ACP3: variants seen among roughly 807,000 people sequenced by gnomAD.
ACP3 encodes acid phosphatase 3, also known as prostatic acid phosphatase.
A neutral mutation model predicts 45.6 loss-of-function variants in ACP3; 38 were observed. That is an observed-to-expected ratio of 0.83 (90% CI 0.64 to 1.09). ACP3 has a LOEUF of 1.09. Ranked by LOEUF, ACP3 falls within the 50% of genes least tolerant of loss-of-function variation. The pLI is 0.00. For missense variants in ACP3, 466 were observed against 463.2 expected, an observed-to-expected ratio of 1.01 and a Z score of -0.05; for synonymous variants, 162 against 164.7, an observed-to-expected ratio of 0.98 and a Z score of 0.13.
intron 7 of ACP3, among the ~76,000 whole-genome samples, chr3:132,345,931 T>TA (rs1937604448): frequency 6.6e-6 from 1 of 152,098 alleles, no homozygotes; most frequent in Non-Finnish European, 1.5e-5. Context: ...AAACTAGGGA[T>TA]AAAGAAGAAG....
intron 5 of ACP3, among the ~76,000 whole-genome samples, chr3:132,341,745 T>C (rs1383476419): frequency 6.6e-6 from 1 of 152,238 alleles, no homozygotes; most frequent in Non-Finnish European, 1.5e-5. Context: ...GGAGCTTTTA[T>C]GTTTGAGAAG....
At chr3:132,367,207 T>G (rs1370164887) in intron 10 of ACP3, among the ~76,000 whole-genome samples, 1 of 152,148 alleles carries the variant, frequency 6.6e-6, no homozygotes, top group African/African-American at 2.4e-5. Flanking sequence ...AAGGTACATA[T>G]TAGAAATAGT....
In ACP3 at chr3:132,342,631, C is replaced by G; in HGVS notation, c.635C>G (p.Pro212Arg). The change falls in exon 6 of 10, where the codon CCT becomes CGT. Residue 212 changes from proline to arginine, a missense_variant. Physicochemically the swap from Pro to Arg is moderately radical, Grantham distance 103 (BLOSUM62 -2). Transcript: ENST00000336375. ...GGAATTTGGAGTAAAGTCTACGACC[C>G]TTTATATTGTGAGGTAAAAGAAAAA... ...LFGIWSKVYD[P>R]LYCESVHNFT... 1 of 1,594,848 alleles carries G rather than the reference C, an allele frequency of 6.3e-7. No homozygotes were observed. The highest frequency in any genetic ancestry group is 1.2e-5 in the South Asian group (1 of 86,946).
chr3:132,350,513 T>A (rs1937703583), intron 8 of ACP3, among the ~76,000 whole-genome samples: 1 of 152,234 alleles, frequency 6.6e-6, no homozygotes, highest in Non-Finnish European at 1.5e-5. Context: ...GCTACTTACA[T>A]TTAAATTAAT....
chr3:132,365,077 G>A (rs562987129), intron 10 of ACP3, among the ~76,000 whole-genome samples: 1 of 152,336 alleles, frequency 6.6e-6, no homozygotes, highest in East Asian at 1.9e-4. Flanking sequence ...TGGACTAAGA[G>A]TTGGGAACTT....
At chr3:132,363,941 A>T (rs1938088578) in intron 10 of ACP3, among the ~76,000 whole-genome samples, 1 of 152,130 alleles carries the variant, frequency 6.6e-6, no homozygotes, top group African/African-American at 2.4e-5. Context: ...CATCTCAAAA[A>T]ATAAATAAAT....
rs996871169 is a variant in ACP3, at chr3:132,342,709, A to G, written c.648+65A>G. 8 of 964,322 alleles carry G rather than the reference A, an allele frequency of 8.3e-6. No individual in the cohort carries two copies. The African/African-American group carries it at 1.3e-4, about 16-fold the overall frequency. The allele number at this position is 964,322 out of a possible 1,614,324, so 59.7% of individuals were successfully genotyped here. On this transcript the variant is annotated intron_variant, in intron 6 of 9. Transcript: ENST00000336375. ...TTTTATGATTTATGCTTATTTTGAA[A>G]TAGATGAATATCTTTTCTTTCACTT...
chr3:132,367,613 G>A, intron 10 of ACP3: 2 of 986,822 alleles, frequency 2.0e-6, no homozygotes, highest in Non-Finnish European at 3.2e-6. Flanking sequence ...TCTGAAATTT[G>A]CAATTAAGGC....
At chr3:132,328,393 A>G in intron 2 of ACP3, 31 bp downstream of exon 2, 1 of 1,584,616 alleles carries the variant, frequency 6.3e-7, no homozygotes, top group Non-Finnish European at 8.7e-7. Context: ...AAGATTGTTG[A>G]TGAAGCTGGG....
chr3:132,332,798 A>G (rs1393338639), intron 4 of ACP3, among the ~76,000 whole-genome samples: 1 of 151,368 alleles, frequency 6.6e-6, no homozygotes, highest in African/African-American at 2.5e-5. Flanking sequence ...ATTTGAGTGC[A>G]TAATCATTGC....
Position 132,357,535 on chromosome 3 carries a change from T to G in ACP3, c.*657T>G. 1.0e-6 allele frequency: 1 copy of G among 984,752 alleles called. No individual in the cohort carries two copies. The highest frequency in any genetic ancestry group is 1.2e-6 in the Non-Finnish European group (1 of 829,302). The allele number at this position is 984,752 out of a possible 1,614,324, so 61.0% of individuals were successfully genotyped here. A position where few individuals can be genotyped will look rare whatever the true frequency, so the allele number is the denominator to read the frequency against. On this transcript the variant is annotated 3_prime_UTR_variant, in exon 10 of 10. Transcript: ENST00000336375. ...CTTTGTGTCCCTTGGTCCTGGAACA[T>G]TTATGTTCCTTTTAAAGAAACAAAA...
intron 2 of ACP3, 103 bp from the exon 3 acceptor site, chr3:132,331,544 T>C: frequency 1.2e-6 from 1 of 800,512 alleles, no homozygotes; most frequent in Non-Finnish European, 1.9e-6. Context: ...ACACCATTGT[T>C]CATTCTACAC....
intron 1 of ACP3, among the ~76,000 whole-genome samples, chr3:132,323,689 G>T (rs924147506): frequency 2.6e-5 from 4 of 152,174 alleles, no homozygotes; most frequent in African/African-American, 9.7e-5. Context: ...TAGTATATTG[G>T]ATGTAACAGC....
At chr3:132,341,272 A>C (rs190373482) in intron 5 of ACP3, among the ~76,000 whole-genome samples, 499 of 152,248 alleles carry the variant, frequency 3.3e-3, no homozygotes, top group African/African-American at 0.011. Flanking sequence ...AAATAGACAT[A>C]TTTTTATGAA....
At chr3:132,347,654 T>A (rs916735216) in intron 7 of ACP3, among the ~76,000 whole-genome samples, 6 of 152,004 alleles carry the variant, frequency 3.9e-5, no homozygotes, top group East Asian at 1.9e-4. Context: ...TAAATTTTTT[T>A]TAAATTTTTT....
chr3:132,336,051 G>C (rs1395017952), intron 4 of ACP3, among the ~76,000 whole-genome samples: 2 of 152,164 alleles, frequency 1.3e-5, no homozygotes, highest in African/African-American at 2.4e-5. Context: ...ACGAGGTCAG[G>C]AGATCGAGAC....
intron 7 of ACP3, among the ~76,000 whole-genome samples, chr3:132,346,153 A>G (rs981808438): frequency 6.6e-6 from 1 of 152,222 alleles, no homozygotes; most frequent in Non-Finnish European, 1.5e-5. Flanking sequence ...TTAGGGCTGG[A>G]CCAGACTGGG....
chr3:132,335,113 A>G (rs991279145), intron 4 of ACP3, among the ~76,000 whole-genome samples: 4 of 152,306 alleles, frequency 2.6e-5, no homozygotes, highest in Non-Finnish European at 5.9e-5. Context: ...CTTTTAATGA[A>G]CAGTCTTCTG....
chr3:132,320,933 G>A (rs770035193), intron 1 of ACP3, among the ~76,000 whole-genome samples: 4 of 152,168 alleles, frequency 2.6e-5, no homozygotes, highest in Non-Finnish European at 2.9e-5. Flanking sequence ...TTACAGGCGT[G>A]AGCCACTGCG....
Sources: allele counts gnomAD v4.1 joint callset (sites outside exome capture counted in the v4.1 genomes callset), GRCh38; gene constraint gnomAD v4.1.1; transcripts MANE v1.5; gene names NCBI Gene and HGNC (gene_info 2026-07-23, HGNC 2026-07-21).